The following PELI2 variants were observed in gnomAD, a reference collection of about 807,000 sequenced individuals.
PELI2 encodes the protein pellino E3 ubiquitin protein ligase family member 2.
PELI2 carries 23 observed loss-of-function variants against 42.3 expected under a neutral mutation model. That is an observed-to-expected ratio of 0.54 (90% CI 0.39 to 0.77). PELI2 has a LOEUF of 0.77. PELI2 is among the 30% of genes least tolerant of loss of function. The pLI, the probability that PELI2 is intolerant of heterozygous loss-of-function variation, is 0.00. For synonymous variants in PELI2, 245 were observed against 212.2 expected (o/e 1.15, Z -1.34); for missense variants, 463 against 553.2 (o/e 0.84, Z 1.64).
At chr14:56,276,380 TC>T (rs1889292549) in intron 2 of PELI2, among the ~76,000 whole-genome samples, 1 of 152,272 alleles carries the variant, frequency 6.6e-6, no homozygotes, top group Admixed American at 6.5e-5. Context: ...TGCCACCAAA[TC>T]CCAGTCCTGG....
At chr14:56,213,856 T>C (rs1214906512) in intron 2 of PELI2, among the ~76,000 whole-genome samples, 1 of 152,108 alleles carries the variant, frequency 6.6e-6, no homozygotes, top group Non-Finnish European at 1.5e-5. Flanking sequence ...TGGTTTTTGG[T>C]TTTGGGTTTT....
intron 2 of PELI2, among the ~76,000 whole-genome samples, chr14:56,233,808 G>C (rs1171117806): frequency 6.6e-6 from 1 of 152,228 alleles, no homozygotes; most frequent in Non-Finnish European, 1.5e-5. Context: ...TGTCATCAGA[G>C]TGAACAGGCA....
chr14:56,221,472 A>G (rs890131546), intron 2 of PELI2, among the ~76,000 whole-genome samples: 1 of 152,210 alleles, frequency 6.6e-6, no homozygotes. Flanking sequence ...TAATTGTTTC[A>G]TTTTATAAAA....
intron 5 of PELI2, chr14:56,292,787 C>T: frequency 2.1e-6 from 2 of 974,192 alleles, no homozygotes; most frequent in Non-Finnish European, 2.4e-6. Flanking sequence ...AATGTCTTTT[C>T]AGGCCTTTAA....
At chr14:56,247,367 C>T (rs554215193) in intron 2 of PELI2, among the ~76,000 whole-genome samples, 3 of 152,112 alleles carry the variant, frequency 2.0e-5, no homozygotes, top group Non-Finnish European at 2.9e-5. Context: ...TTAGCTGTCC[C>T]CTTACGGATG....
intron 1 of PELI2, among the ~76,000 whole-genome samples, chr14:56,166,520 A>T (rs113296863): frequency 5.8e-4 from 89 of 152,316 alleles, no homozygotes; most frequent in African/African-American, 2.1e-3. Flanking sequence ...TTTCTGATTG[A>T]AGTACTCCAT....
At chr14:56,250,345 G>A (rs1030914820) in intron 2 of PELI2, among the ~76,000 whole-genome samples, 3 of 152,124 alleles carry the variant, frequency 2.0e-5, no homozygotes, top group African/African-American at 7.2e-5. Flanking sequence ...TTCTCTAATG[G>A]GACAGAACTA....
intron 2 of PELI2, among the ~76,000 whole-genome samples, chr14:56,194,122 T>C (rs1428914520): frequency 6.6e-6 from 1 of 152,242 alleles, no homozygotes; most frequent in African/African-American, 2.4e-5. Context: ...GAAGCACTGA[T>C]AAAAATGCAG....
intron 2 of PELI2, among the ~76,000 whole-genome samples, chr14:56,245,288 ATATAT>A (rs1566661630): frequency 2.0e-5 from 3 of 152,180 alleles, no homozygotes; most frequent in South Asian, 2.1e-4. Context: ...GTTAATGAAA[ATATAT>A]TAATTAATTA....
chr14:56,185,318 T>C (rs1287845480), intron 2 of PELI2, among the ~76,000 whole-genome samples: 1 of 152,184 alleles, frequency 6.6e-6, no homozygotes, highest in Non-Finnish European at 1.5e-5. Context: ...ATAATGTAAG[T>C]ATAGTAATTT....
At chr14:56,191,723 T>G (rs987531563) in intron 2 of PELI2, among the ~76,000 whole-genome samples, 1 of 152,268 alleles carries the variant, frequency 6.6e-6, no homozygotes, top group Non-Finnish European at 1.5e-5. Context: ...AACTTCAAAA[T>G]CTGGCAATCT....
At chr14:56,230,485 A>G (rs1199663970) in intron 2 of PELI2, among the ~76,000 whole-genome samples, 1 of 152,224 alleles carries the variant, frequency 6.6e-6, no homozygotes, top group Non-Finnish European at 1.5e-5. Context: ...CCAGAATTTC[A>G]TATCCAGCCA....
chr14:56,279,580 G>C, intron 2 of PELI2, 96 bp from the exon 3 acceptor site: 1 of 642,918 alleles, frequency 1.6e-6, no homozygotes, highest in South Asian at 2.2e-5. Flanking sequence ...GCTTGTGCTG[G>C]GCTTTGCCAG....
chr14:56,293,908 T>G (rs1235334825), intron 5 of PELI2, among the ~76,000 whole-genome samples: 1 of 152,188 alleles, frequency 6.6e-6, no homozygotes, highest in Non-Finnish European at 1.5e-5. Flanking sequence ...TACCTCAGCT[T>G]CTTACCACAT....
At chr14:56,236,682 A>G (rs184712420) in intron 2 of PELI2, among the ~76,000 whole-genome samples, 4 of 152,244 alleles carry the variant, frequency 2.6e-5, no homozygotes, top group Admixed American at 2.6e-4. Context: ...AGGTTCCTCC[A>G]GAGAGGAGCT....
chr14:56,193,134 A>G (rs183485951), intron 2 of PELI2, among the ~76,000 whole-genome samples: 5 of 152,298 alleles, frequency 3.3e-5, no homozygotes. Flanking sequence ...GACTTTCAAT[A>G]TGGGGTTAAT....
At chr14:56,150,519 G>C (rs1003041526) in intron 1 of PELI2, among the ~76,000 whole-genome samples, 18 of 151,824 alleles carry the variant, frequency 1.2e-4, no homozygotes, top group Non-Finnish European at 1.6e-4. Flanking sequence ...GAGTAGTAGA[G>C]TATTTATTTA....
intron 2 of PELI2, among the ~76,000 whole-genome samples, chr14:56,252,182 A>T (rs1594685457): frequency 1.3e-5 from 2 of 152,224 alleles, no homozygotes; most frequent in East Asian, 3.8e-4. Flanking sequence ...GTCATAGCCT[A>T]GGGTAAGGGT....
chr14:56,147,042 G>T (rs114373021), intron 1 of PELI2, among the ~76,000 whole-genome samples: 166 of 152,180 alleles, frequency 1.1e-3, no homozygotes, highest in African/African-American at 3.8e-3. Context: ...CATAACGTAG[G>T]ATCACACAGG....
Sources: gnomAD v4.1 joint callset for allele counts (sites outside exome capture counted in the v4.1 genomes callset) on GRCh38, gnomAD v4.1.1 for gene constraint, MANE v1.5 for transcripts, NCBI Gene and HGNC (gene_info 2026-07-23, HGNC 2026-07-21) for gene names.